The following KCTD2 variants were observed in gnomAD, a reference collection of about 807,000 sequenced individuals.
KCTD2 encodes BTB/POZ domain-containing protein KCTD2.
KCTD2 carries 18 observed loss-of-function variants against 27.9 expected under a neutral mutation model. That is an observed-to-expected ratio of 0.64 (90% confidence interval 0.45 to 0.96). The LOEUF is 0.96. Ranked by LOEUF, KCTD2 falls within the 40% of genes least tolerant of loss-of-function variation. The pLI is 0.00. For missense variants in KCTD2, 280 were observed against 348.0 expected (o/e 0.80, Z 1.56); for synonymous variants, 175 against 148.4 (o/e 1.18, Z -1.30).
intron 3 of KCTD2, chr17:75,038,787 A>C: frequency 1.0e-6 from 1 of 977,736 alleles, no homozygotes; most frequent in Non-Finnish European, 1.5e-6. Context: ...TTTAAACAAA[A>C]ACCCCGCTGC....
chr17:75,059,048 A>G (rs1039060861), intron 3 of KCTD2: 1 of 152,174 alleles, frequency 6.6e-6, no homozygotes. Context: ...CAGTGAGCCA[A>G]GATTGCACCA....
At chr17:75,044,417 G>A (rs1477254015), upstream of KCTD2, among the ~76,000 whole-genome samples, 4 of 113,992 alleles carry the variant, frequency 3.5e-5, no homozygotes, top group Admixed American at 2.3e-4. Flanking sequence ...TTGTTAGCCA[G>A]GATGGTCTCG....
Position 75,049,340 on chromosome 17 carries a change from G to C in KCTD2, c.448+12G>C, listed in dbSNP as rs776684087. On this transcript the variant is annotated intron_variant, in intron 2 of 5. Coordinates refer to ENST00000322444, the MANE Select transcript of KCTD2 (RefSeq NM_015353.3). ...GTTGGCAGAAGAAGGTAAGCGCACT[G>C]TTTGCATTGGGGATTTTCAAAATGC... 2.8e-6 allele frequency: 4 copies of C among 1,444,158 alleles called. No individual in the cohort carries two copies. Among genetic ancestry groups the C allele is most frequent in the Non-Finnish European group, 3.9e-6 (4 of 1,033,072 alleles). 89.5% of individuals were successfully genotyped at this position (1,444,158 alleles called of 1,614,324 possible).
At chr17:75,040,998 T>A (rs1340105066) in intron 3 of KCTD2, 1 of 151,748 alleles carries the variant, frequency 6.6e-6, no homozygotes, top group East Asian at 1.9e-4. Context: ...GAACTCTGGA[T>A]ATTGAGACTT....
intron 3 of KCTD2, chr17:75,039,126 C>G: frequency 6.2e-7 from 1 of 1,611,954 alleles, no homozygotes; most frequent in Non-Finnish European, 8.5e-7. Context: ...ATATCCAAGG[C>G]AGGTTCCTGC....
intron 3 of KCTD2, chr17:75,040,100 T>C (rs2073143797): frequency 6.2e-7 from 1 of 1,613,366 alleles, no homozygotes; most frequent in African/African-American, 1.3e-5. Flanking sequence ...ACATCTTCTT[T>C]TTCTTCGGCA....
chr17:75,048,298 A>C (rs1046782788), intron 1 of KCTD2, among the ~76,000 whole-genome samples: 3 of 152,196 alleles, frequency 2.0e-5, no homozygotes, highest in Non-Finnish European at 2.9e-5. Context: ...CAAGACACTT[A>C]AACCATTTCC....
intron 4 of KCTD2, chr17:75,060,371 A>C: frequency 7.2e-7 from 1 of 1,394,144 alleles, no homozygotes; most frequent in Non-Finnish European, 9.7e-7. Flanking sequence ...TGATATTTCT[A>C]TTTCACATTC....
At chr17:75,053,903 C>T (rs145131285) in intron 3 of KCTD2, among the ~76,000 whole-genome samples, 6 of 125,368 alleles carry the variant, frequency 4.8e-5, no homozygotes, top group African/African-American at 1.2e-4. Flanking sequence ...GTCTCACTCT[C>T]TCCCCCAGGC....
intron 3 of KCTD2, among the ~76,000 whole-genome samples, chr17:75,055,788 C>T (rs908870900): frequency 1.4e-4 from 21 of 151,230 alleles, no homozygotes; most frequent in Non-Finnish European, 2.8e-4. Context: ...GCCGAGATCA[C>T]GCCATTGCAC....
At chr17:75,053,858 CTT>C (rs71159419) in intron 3 of KCTD2, among the ~76,000 whole-genome samples, 36 of 59,308 alleles carry the variant, frequency 6.1e-4, no homozygotes, top group African/African-American at 7.7e-4. Flanking sequence ...GTGAACCATG[CTT>C]TTTTTTTTTT....
chr17:75,062,608 A>G (rs954698615), intron 5 of KCTD2, among the ~76,000 whole-genome samples: 4 of 151,776 alleles, frequency 2.6e-5, no homozygotes, highest in Non-Finnish European at 5.9e-5. Context: ...CTCAGGAGAA[A>G]AGGGTGTTTT....
intron 1 of KCTD2, among the ~76,000 whole-genome samples, chr17:75,048,183 C>G (rs1473013286): frequency 6.6e-6 from 1 of 152,170 alleles, no homozygotes; most frequent in Non-Finnish European, 1.5e-5. Flanking sequence ...AAAGAGGTTA[C>G]TGTTTGCCGC....
intron 3 of KCTD2, chr17:75,042,087 C>G: frequency 9.1e-7 from 1 of 1,101,160 alleles, no homozygotes; most frequent in Non-Finnish European, 1.3e-6. Context: ...CCTTAGGGAT[C>G]TGGCTGTCAT....
At chr17:75,061,593 T>A (rs2073404333) in intron 4 of KCTD2, among the ~76,000 whole-genome samples, 1 of 152,086 alleles carries the variant, frequency 6.6e-6, no homozygotes, top group Non-Finnish European at 1.5e-5. Flanking sequence ...GAGGCTACAG[T>A]GAGCTGTGAT....
rs79109885 is a variant in KCTD2, at chr17:75,053,488, C to T, written c.540+383C>T. On this transcript the variant is annotated intron_variant, in intron 3 of 5. Coordinates refer to ENST00000322444, the MANE Select transcript of KCTD2 (RefSeq NM_015353.3). ...TGGAGTCTCGCCCTGTCGCCCAGGC[C>T]GGAGTGCAGTGGTGCAATCTCGGCT... Among the ~76,000 whole-genome samples the T allele has an allele frequency of 1.5e-3, 230 of 151,952 alleles. 2 individuals carry two copies. Among genetic ancestry groups the T allele is most frequent in the Non-Finnish European group, 9.0e-4 (61 of 67,928 alleles).
At chr17:75,051,717 A>G (rs1269957261) in intron 2 of KCTD2, among the ~76,000 whole-genome samples, 1 of 151,446 alleles carries the variant, frequency 6.6e-6, no homozygotes, top group African/African-American at 2.4e-5. Context: ...ACCCCTTAAT[A>G]TTTGTATATA....
upstream of KCTD2, among the ~76,000 whole-genome samples, chr17:75,045,294 G>A (rs1172480955): frequency 6.6e-6 from 1 of 152,194 alleles, no homozygotes; most frequent in Admixed American, 6.6e-5. Flanking sequence ...CAAGACCACA[G>A]GACCAGAGCG....
chr17:75,052,515 A>C (rs1453691390), intron 2 of KCTD2, among the ~76,000 whole-genome samples: 2 of 152,262 alleles, frequency 1.3e-5, no homozygotes, highest in Non-Finnish European at 2.9e-5. Flanking sequence ...TGAGGTCAGG[A>C]GTTCAAGACC....
Sources: allele counts gnomAD v4.1 joint callset (sites outside exome capture counted in the v4.1 genomes callset), GRCh38; gene constraint gnomAD v4.1.1; transcripts MANE v1.5; gene names NCBI Gene and HGNC (gene_info 2026-07-23, HGNC 2026-07-21).